PRH1: variants seen among roughly 807,000 people sequenced by gnomAD.
PRH1 encodes the protein salivary acidic proline-rich phosphoprotein 1/2.
Under a neutral mutation model 7.9 loss-of-function variants are expected in PRH1, and 7 were observed. That is an observed-to-expected ratio of 0.89 (90% CI 0.50 to 1.67). The LOEUF (loss-of-function observed/expected upper bound fraction) is 1.67. PRH1 is among the 40% of genes most tolerant of loss of function. The probability of loss-of-function intolerance (pLI) is 0.00; values close to 1 mark genes in which losing one functional copy is unlikely to be tolerated. For synonymous variants in PRH1, 45 were observed against 80.8 expected (o/e 0.56, Z 2.38); for missense variants, 109 against 223.6 (o/e 0.49, Z 3.27).
rs1944542282 is a variant in PRH1 at position 11,082,952 on chromosome 12, G to C, written n.124-35764C>G. 3.4e-5 allele frequency among the ~76,000 whole-genome samples: 4 copies of C among 116,442 alleles called. 2 individuals are homozygous for C. Among genetic ancestry groups the C allele is most frequent in the Non-Finnish European group, 8.1e-5 (4 of 49,206 alleles). The allele number at this position is 116,442 out of a possible 152,430, so 76.4% of individuals were successfully genotyped here. Reference sequence around the variant, plus strand: ...AAATCTGGGTGATTTTATTATAGCAGTCAAAGTAGTTACACTACATATGTT... The same window carrying C: ...AAATCTGGGTGATTTTATTATAGCACTCAAAGTAGTTACACTACATATGTT... On this transcript the variant is annotated intron_variant and non_coding_transcript_variant, in intron 1 of 4. Transcript: ENST00000541977.
intron 1 of PRH1, 101 bp downstream of exon 1, chr12:10,884,051 ATC>A (rs1245275700): frequency 9.3e-6 from 13 of 1,394,772 alleles, no homozygotes; most frequent in Non-Finnish European, 1.2e-5. Flanking sequence ...CTGCAGTCCC[ATC>A]TGTTTTCTCA....
At chr12:10,883,027 A>G (rs535123973) in intron 2 of PRH1, 34 bp downstream of exon 2, 1 of 1,601,156 alleles carries the variant, frequency 6.2e-7, no homozygotes, top group East Asian at 2.2e-5. Context: ...GGAAAAATGG[A>G]GACAGAGTTT....
At chr12:10,955,027 G>A (rs1937881124) in intron 2 of PRH1, among the ~76,000 whole-genome samples, 1 of 152,006 alleles carries the variant, frequency 6.6e-6, no homozygotes, top group Non-Finnish European at 1.5e-5. Context: ...AGAACATCAA[G>A]GCAGAAAACT....
In PRH1 at chr12:11,154,388, A is replaced by G. The variant is rs1947191995; in HGVS notation, n.39+17034T>C. Among the ~76,000 whole-genome samples, 3 of 152,246 alleles carry G rather than the reference A, an allele frequency of 2.0e-5. No homozygotes were observed. In the South Asian group the frequency reaches 6.2e-4, roughly 31 times the overall value. On this transcript the variant is annotated intron_variant and non_coding_transcript_variant, in intron 1 of 1. Transcript: ENST00000541175. The stretch of plus-strand genomic sequence containing the variant: ...TAATGTGCATATATAAATGACAGCC[A>G]TATACCAAGTATGAGACCCAAAGCA...
At chr12:10,935,302 CT>C (rs1412888842) in intron 2 of PRH1, among the ~76,000 whole-genome samples, 4 of 152,034 alleles carry the variant, frequency 2.6e-5, no homozygotes, top group Admixed American at 1.3e-4. Context: ...TTAATTCTTG[CT>C]TCCTTCATTA....
At chr12:11,101,574 T>C (rs1355767690) in intron 1 of PRH1, among the ~76,000 whole-genome samples, 1 of 152,214 alleles carries the variant, frequency 6.6e-6, no homozygotes, top group Non-Finnish European at 1.5e-5. Flanking sequence ...AAAACTCTAA[T>C]TACAATGATA....
At chr12:11,013,039 A>C (rs1941136206) in intron 1 of PRH1, among the ~76,000 whole-genome samples, 1 of 152,170 alleles carries the variant, frequency 6.6e-6, no homozygotes, top group African/African-American at 2.4e-5. Context: ...TGAAGGGTCA[A>C]CTTATATACT....
At chr12:10,977,864 T>C (rs1364343632) in intron 1 of PRH1, among the ~76,000 whole-genome samples, 1 of 151,848 alleles carries the variant, frequency 6.6e-6, no homozygotes, top group African/African-American at 2.4e-5. Flanking sequence ...AGGTGAAATA[T>C]CGCTACAAAG....
At chr12:11,169,188 T>G (rs1947731041) in intron 1 of PRH1, among the ~76,000 whole-genome samples, 1 of 152,214 alleles carries the variant, frequency 6.6e-6, no homozygotes, top group African/African-American at 2.4e-5. Context: ...AATTTTCTAA[T>G]TTGTACAATC....
intron 2 of PRH1, among the ~76,000 whole-genome samples, chr12:10,940,452 T>C (rs1365525638): frequency 1.3e-5 from 2 of 152,192 alleles, no homozygotes; most frequent in African/African-American, 4.8e-5. Flanking sequence ...TGAGAAGAGG[T>C]AGAAATCTAT....
intron 1 of PRH1, among the ~76,000 whole-genome samples, chr12:11,113,800 T>TAATAGA (rs1945656094): frequency 2.0e-5 from 3 of 151,780 alleles, no homozygotes; most frequent in Admixed American, 1.3e-4. Context: ...GGAGAAAATT[T>TAATAGA]TTGCAATCTA....
chr12:11,159,836 A>G (rs1270370883), intron 1 of PRH1: 3 of 152,356 alleles, frequency 2.0e-5, no homozygotes, highest in South Asian at 4.1e-4. Context: ...ATATATGTTC[A>G]GAGATCTTCA....
chr12:10,945,690 G>A (rs564213676), intron 2 of PRH1, among the ~76,000 whole-genome samples: 4 of 152,224 alleles, frequency 2.6e-5, no homozygotes, highest in South Asian at 2.1e-4. Context: ...GCAGACAACC[G>A]GTTTGACCAA....
chr12:10,939,551 G>GTTTTTTT (rs60186756), intron 2 of PRH1, among the ~76,000 whole-genome samples: 13 of 123,306 alleles, frequency 1.1e-4, no homozygotes, highest in African/African-American at 1.5e-4. Flanking sequence ...TGGTTTGTGT[G>GTTTTTTT]TTTTTTTTTT....
upstream of PRH1, among the ~76,000 whole-genome samples, chr12:11,047,698 T>C (rs763947342): frequency 5.4e-5 from 8 of 149,286 alleles, no homozygotes; most frequent in African/African-American, 9.8e-5. Flanking sequence ...AGAACAGTTT[T>C]TGGTATACAC....
At chr12:11,151,217 C>T (rs1947070167) in intron 1 of PRH1, among the ~76,000 whole-genome samples, 1 of 151,856 alleles carries the variant, frequency 6.6e-6, no homozygotes, top group African/African-American at 2.4e-5. Context: ...AACATCCACA[C>T]AAATGCACAC....
At chr12:10,894,464 TACTA>T (rs1231370184) in intron 2 of PRH1, among the ~76,000 whole-genome samples, 4 of 152,198 alleles carry the variant, frequency 2.6e-5, no homozygotes, top group African/African-American at 7.2e-5. Context: ...CTGTAGACTC[TACTA>T]ACTATTTTCA....
intron 1 of PRH1, chr12:11,061,382 T>C: frequency 6.2e-7 from 1 of 1,613,390 alleles, no homozygotes; most frequent in Admixed American, 1.7e-5. Flanking sequence ...GATGAAGGCT[T>C]CTCTCCTTTC....
At chr12:11,145,947 T>C (rs1378322003) in intron 1 of PRH1, among the ~76,000 whole-genome samples, 1 of 152,166 alleles carries the variant, frequency 6.6e-6, no homozygotes, top group Admixed American at 6.5e-5. Context: ...TTTTTGCATA[T>C]CTGTAATCAT....
Sources: allele counts gnomAD v4.1 joint callset (sites outside exome capture counted in the v4.1 genomes callset), GRCh38; gene constraint gnomAD v4.1.1; transcripts MANE v1.5; gene names NCBI Gene and HGNC (gene_info 2026-07-23, HGNC 2026-07-21).